COMMD10: variants seen among roughly 807,000 people sequenced by gnomAD.
COMMD10 encodes the protein COMM domain containing 10, also known as COMM domain-containing protein 10.
In COMMD10, 33 loss-of-function variants were observed where a neutral mutation model predicts 28.9. The ratio of observed to expected loss-of-function variants is 1.14; its 90% CI spans 0.87 to 1.53. COMMD10 has a LOEUF of 1.53. Ranked by LOEUF, COMMD10 falls within the 40% of genes most tolerant of loss-of-function variation. COMMD10 has a pLI of 0.00. For synonymous variants in COMMD10, 110 were observed against 81.7 expected (o/e 1.35, Z -1.87); for missense variants, 310 against 233.4 (o/e 1.33, Z -2.14).
chr5:116,158,724 C>G (rs1193466877), intron 5 of COMMD10, among the ~76,000 whole-genome samples: 1 of 152,004 alleles, frequency 6.6e-6, no homozygotes, highest in Non-Finnish European at 1.5e-5. Flanking sequence ...TCTCCTATTA[C>G]TGAAAGACTA....
rs58135204 is a variant in COMMD10, at chr5:116,215,695, AATATATATATAT to A, written c.511-75797_511-75786del. ...GAGTGGGAGTCCAGCTAAAAAAAGA[AATATATATATAT>A]ATATATATATATATATATATATATG... On this transcript the variant is annotated intron_variant, in intron 5 of 6. Coordinates refer to ENST00000274458, the MANE Select transcript of COMMD10 (RefSeq NM_016144.4). Among the ~76,000 whole-genome samples the A allele has an allele frequency of 2.0e-3, 273 of 133,824 alleles. 3 individuals are homozygous for A. The highest frequency in any genetic ancestry group is 6.8e-3 in the African/African-American group (263 of 38,494). The allele number at this position is 133,824 out of a possible 152,430, so 87.8% of individuals were successfully genotyped here.
chr5:116,114,796 C>T (rs771360967), intron 4 of COMMD10, among the ~76,000 whole-genome samples: 7 of 152,108 alleles, frequency 4.6e-5, no homozygotes, highest in South Asian at 2.1e-4. Context: ...TCCCTTATCC[C>T]GACTCTTGCA....
chr5:116,166,627 C>T (rs57907464), intron 5 of COMMD10, among the ~76,000 whole-genome samples: 16,459 of 152,016 alleles, frequency 0.11, 1,312 homozygotes, highest in African/African-American at 0.22. Flanking sequence ...TCCTCTGAGA[C>T]GAAACTTCCA....
intron 5 of COMMD10, among the ~76,000 whole-genome samples, chr5:116,195,203 A>G (rs1015555767): frequency 6.6e-6 from 1 of 152,182 alleles, no homozygotes; most frequent in Non-Finnish European, 1.5e-5. Flanking sequence ...CCCACAGCCA[A>G]CATAATACTG....
chr5:116,207,919 A>G (rs1024346693), intron 5 of COMMD10, among the ~76,000 whole-genome samples: 2 of 152,208 alleles, frequency 1.3e-5, no homozygotes, highest in Non-Finnish European at 1.5e-5. Flanking sequence ...TGGGTAGGAC[A>G]TTGTGTTAAT....
At chr5:116,288,843 G>T (rs1417014637) in intron 5 of COMMD10, among the ~76,000 whole-genome samples, 2 of 127,958 alleles carry the variant, frequency 1.6e-5, no homozygotes, top group African/African-American at 5.6e-5. Flanking sequence ...TCATTTTCCT[G>T]ATTGTTTTCA....
At chr5:116,262,121 A>G (rs1431596948) in intron 5 of COMMD10, among the ~76,000 whole-genome samples, 10 of 151,588 alleles carry the variant, frequency 6.6e-5, no homozygotes, top group Non-Finnish European at 1.3e-4. Context: ...AGGCAGTCTG[A>G]CTAAAGAGCT....
intron 5 of COMMD10, among the ~76,000 whole-genome samples, chr5:116,213,586 C>T (rs1749023044): frequency 6.6e-6 from 1 of 151,980 alleles, no homozygotes; most frequent in Non-Finnish European, 1.5e-5. Flanking sequence ...AGTCTGTAAC[C>T]CATGAAAGGT....
At chr5:116,204,668 T>G (rs1392951242) in intron 5 of COMMD10, among the ~76,000 whole-genome samples, 1 of 152,142 alleles carries the variant, frequency 6.6e-6, no homozygotes, top group Non-Finnish European at 1.5e-5. Context: ...AATCACTCAT[T>G]GACACTTAAT....
intron 5 of COMMD10, among the ~76,000 whole-genome samples, chr5:116,206,543 T>C (rs968029380): frequency 5.3e-5 from 8 of 151,926 alleles, no homozygotes; most frequent in Non-Finnish European, 1.2e-4. Context: ...TCCCAGCTAC[T>C]TGGGAGGCTG....
chr5:116,266,866 T>A (rs968004595), intron 5 of COMMD10, among the ~76,000 whole-genome samples: 2 of 151,872 alleles, frequency 1.3e-5, no homozygotes, highest in Non-Finnish European at 2.9e-5. Flanking sequence ...TCTCAATAGA[T>A]GCAGAAAAGG....
rs35124221 is a variant in COMMD10, at chr5:116,091,135, A to G, written c.189A>G (p.Leu63=). The part of the protein sequence containing the change: ...EEEKLQAAFS[L]EKQDLHLVLE... Reference sequence around the variant, plus strand: ...AAAAACTTCAAGCGGCATTTTCTCTAGAGAAACAAGATCTTCACCTAGTTC... The same window carrying G: ...AAAAACTTCAAGCGGCATTTTCTCTGGAGAAACAAGATCTTCACCTAGTTC... The change falls in exon 3 of 7, where the codon CTA becomes CTG. Residue 63 remains leucine, a synonymous_variant. Transcript: ENST00000274458. The G allele has an allele frequency of 3.9e-3, 6,258 of 1,612,042 alleles. 211 individuals are homozygous for G. In the African/African-American group the frequency reaches 0.073, roughly 19 times the overall value.
At chr5:116,200,075 G>C (rs1748625547) in intron 5 of COMMD10, among the ~76,000 whole-genome samples, 1 of 151,862 alleles carries the variant, frequency 6.6e-6, no homozygotes, top group African/African-American at 2.4e-5. Context: ...ACATCATGAA[G>C]AATGGGGTAT....
intron 5 of COMMD10, among the ~76,000 whole-genome samples, chr5:116,254,391 G>A (rs1750216742): frequency 6.6e-6 from 1 of 151,718 alleles, no homozygotes. Flanking sequence ...TGTGATGTTA[G>A]GGTGTTAATT....
At chr5:116,150,456 T>C (rs562144108) in intron 5 of COMMD10, among the ~76,000 whole-genome samples, 6 of 152,124 alleles carry the variant, frequency 3.9e-5, no homozygotes, top group East Asian at 1.9e-4. Context: ...GAAGTATGGC[T>C]ATTTTCATGA....
At chr5:116,201,012 A>C (rs1223160769) in intron 5 of COMMD10, among the ~76,000 whole-genome samples, 1 of 152,084 alleles carries the variant, frequency 6.6e-6, no homozygotes, top group Non-Finnish European at 1.5e-5. Flanking sequence ...GTGCCTCTTG[A>C]CTGTGAATTT....
intron 5 of COMMD10, among the ~76,000 whole-genome samples, chr5:116,182,952 A>G (rs1748019928): frequency 6.6e-6 from 1 of 152,038 alleles, no homozygotes; most frequent in Admixed American, 6.6e-5. Flanking sequence ...CACTCACTCC[A>G]TCCTGCCACC....
At chr5:116,110,483 T>G (rs762526950) in intron 4 of COMMD10, among the ~76,000 whole-genome samples, 6 of 152,188 alleles carry the variant, frequency 3.9e-5, no homozygotes, top group Non-Finnish European at 7.3e-5. Context: ...CAGCTGTGAA[T>G]CCGTCTGGTC....
At chr5:116,228,264 TG>T (rs1468579722) in intron 5 of COMMD10, among the ~76,000 whole-genome samples, 8 of 151,898 alleles carry the variant, frequency 5.3e-5, no homozygotes, top group Non-Finnish European at 2.9e-5. Flanking sequence ...TGAGAAGAAA[TG>T]AAATATAGTG....
Sources: gnomAD v4.1 joint callset for allele counts (sites outside exome capture counted in the v4.1 genomes callset) on GRCh38, gnomAD v4.1.1 for gene constraint, MANE v1.5 for transcripts, NCBI Gene and HGNC (gene_info 2026-07-23, HGNC 2026-07-21) for gene names.